CENPW: variants seen among roughly 807,000 people sequenced by gnomAD.
The protein encoded by CENPW is centromere protein W, also known as cancer-up-regulated gene 2 protein.
In CENPW, 3 loss-of-function variants were observed where a neutral mutation model predicts 11.1. The observed-to-expected ratio is 0.27, with a 90% CI of 0.12 to 0.70. CENPW has a LOEUF of 0.70. Ranked by LOEUF, CENPW falls within the 30% of genes least tolerant of loss-of-function variation. The pLI is 0.77. For synonymous variants in CENPW, 38 were observed against 42.0 expected (o/e 0.91, Z 0.37); for missense variants, 100 against 105.6 (o/e 0.95, Z 0.23).
downstream of CENPW, among the ~76,000 whole-genome samples, chr6:126,350,766 T>A (rs945324183): frequency 1.3e-5 from 2 of 152,180 alleles, no homozygotes; most frequent in African/African-American, 4.8e-5. Context: ...TCCAAATTAG[T>A]AATTTTTTAA....
At chr6:126,464,930 C>T in the CENPW span, among the ~76,000 whole-genome samples, 15 of 152,070 alleles carry the variant, frequency 9.9e-5, no homozygotes, top group African/African-American at 3.6e-4. Flanking sequence ...AAACTGAATG[C>T]TTTCTTTCTA....
chr6:126,455,268 CAGG>C, the CENPW span, among the ~76,000 whole-genome samples: 9 of 150,856 alleles, frequency 6.0e-5, no homozygotes, highest in East Asian at 1.2e-3. Flanking sequence ...TAAAAAAAAT[CAGG>C]AGAATATTCT....
the CENPW span, among the ~76,000 whole-genome samples, chr6:126,439,619 T>C: frequency 1.3e-5 from 2 of 151,674 alleles, no homozygotes; most frequent in Non-Finnish European, 3.0e-5. Context: ...TGACCACTAA[T>C]ATTTGTACAT....
chr6:126,449,084 A>G, the CENPW span, among the ~76,000 whole-genome samples: 1 of 151,144 alleles, frequency 6.6e-6, no homozygotes, highest in Non-Finnish European at 1.5e-5. Context: ...ACAAATATTT[A>G]CTTCACAATG....
chr6:126,399,116 G>A, the CENPW span, among the ~76,000 whole-genome samples: 1 of 152,002 alleles, frequency 6.6e-6, no homozygotes, highest in Non-Finnish European at 1.5e-5. Context: ...CTGTGTTGAA[G>A]ATATGAGTGC....
the CENPW span, among the ~76,000 whole-genome samples, chr6:126,374,804 C>G: frequency 6.6e-6 from 1 of 152,186 alleles, no homozygotes; most frequent in Admixed American, 6.5e-5. Flanking sequence ...TTGTTGATTA[C>G]TAGCTATATG....
At chr6:126,459,858 G>C in the CENPW span, among the ~76,000 whole-genome samples, 1 of 151,088 alleles carries the variant, frequency 6.6e-6, no homozygotes, top group East Asian at 2.0e-4. Flanking sequence ...CAGAAACGCT[G>C]TTTGTAGTAT....
chr6:126,373,781 C>T, the CENPW span, among the ~76,000 whole-genome samples: 3 of 152,156 alleles, frequency 2.0e-5, no homozygotes, highest in Non-Finnish European at 2.9e-5. Context: ...TTGGGATTCC[C>T]AAAATACCCA....
the CENPW span, among the ~76,000 whole-genome samples, chr6:126,481,931 G>T: frequency 6.6e-6 from 1 of 152,042 alleles, no homozygotes; most frequent in Admixed American, 6.6e-5. Context: ...GATAACAAAT[G>T]ATATTGAACT....
chr6:126,407,641 A>T, the CENPW span, among the ~76,000 whole-genome samples: 1 of 152,054 alleles, frequency 6.6e-6, no homozygotes, highest in Non-Finnish European at 1.5e-5. Flanking sequence ...CTGCTGTGAG[A>T]TGGTATCTCT....
the CENPW span, among the ~76,000 whole-genome samples, chr6:126,400,263 A>C: frequency 1.3e-5 from 2 of 152,064 alleles, no homozygotes; most frequent in African/African-American, 4.8e-5. Context: ...AGTTTTAATC[A>C]TTCTGTTATC....
the CENPW span, among the ~76,000 whole-genome samples, chr6:126,478,062 T>C: frequency 6.6e-6 from 1 of 152,068 alleles, no homozygotes; most frequent in Non-Finnish European, 1.5e-5. Context: ...CACCAGACTG[T>C]GGATGCCAAT....
the CENPW span, among the ~76,000 whole-genome samples, chr6:126,381,685 G>A: frequency 6.6e-6 from 1 of 152,118 alleles, no homozygotes; most frequent in African/African-American, 2.4e-5. Flanking sequence ...GCTGACACGT[G>A]AATAAATATG....
the CENPW span, among the ~76,000 whole-genome samples, chr6:126,453,282 A>T: frequency 6.6e-6 from 1 of 151,164 alleles, no homozygotes; most frequent in African/African-American, 2.4e-5. Context: ...GGCTGAAATG[A>T]AGGAAAAAAT....
At chr6:126,368,650 G>GT in the CENPW span, among the ~76,000 whole-genome samples, 5,636 of 144,094 alleles carry the variant, frequency 0.039, 136 homozygotes, top group Non-Finnish European at 0.047. Flanking sequence ...CCAATGTGTA[G>GT]TTTTTTTTTT....
the CENPW span, among the ~76,000 whole-genome samples, chr6:126,473,591 G>A: frequency 6.6e-6 from 1 of 151,880 alleles, no homozygotes; most frequent in African/African-American, 2.4e-5. Flanking sequence ...AATTAGCTGG[G>A]TGGCAGTGGC....
chr6:126,443,477 T>C, the CENPW span, among the ~76,000 whole-genome samples: 1 of 151,310 alleles, frequency 6.6e-6, no homozygotes, highest in Non-Finnish European at 1.5e-5. Context: ...TCATAGATGG[T>C]AATGTGTACT....
chr6:126,449,908 G>C, the CENPW span, among the ~76,000 whole-genome samples: 5 of 150,992 alleles, frequency 3.3e-5, no homozygotes, highest in African/African-American at 1.2e-4. Flanking sequence ...GGTGAAAAAT[G>C]ATTGAATATT....
At chr6:126,357,548 A>G in the CENPW span, among the ~76,000 whole-genome samples, 1 of 152,028 alleles carries the variant, frequency 6.6e-6, no homozygotes. Context: ...TTCTATGAGC[A>G]TGGAACATTT....
Sources: allele counts gnomAD v4.1 joint callset (sites outside exome capture counted in the v4.1 genomes callset), GRCh38; gene constraint gnomAD v4.1.1; transcripts MANE v1.5; gene names NCBI Gene and HGNC (gene_info 2026-07-23, HGNC 2026-07-21).